Variants in GPC5 observed in about 807,000 individuals in gnomAD.
GPC5 encodes glypican 5.
GPC5 carries 47 observed loss-of-function variants against 53.9 expected under a neutral mutation model. The observed-to-expected ratio is 0.87, with a 90% CI of 0.69 to 1.11. GPC5 has a LOEUF of 1.11. GPC5 is among the 50% of genes most tolerant of loss of function. The pLI is 0.00. For missense variants in GPC5, 748 were observed against 713.1 expected (o/e 1.05, Z -0.56); for synonymous variants, 286 against 263.3 (o/e 1.09, Z -0.84).
At chr13:92,794,128 A>G (rs905386186) in intron 7 of GPC5, among the ~76,000 whole-genome samples, 3 of 152,176 alleles carry the variant, frequency 2.0e-5, no homozygotes, top group African/African-American at 7.2e-5. Flanking sequence ...CAAAGCGAAA[A>G]TCCTCAATAA....
chr13:91,702,993 A>G (rs535961657), intron 3 of GPC5, among the ~76,000 whole-genome samples: 1 of 152,224 alleles, frequency 6.6e-6, no homozygotes, highest in Non-Finnish European at 1.5e-5. Flanking sequence ...GATATTAAGC[A>G]TTTAAAAATA....
intron 7 of GPC5, among the ~76,000 whole-genome samples, chr13:92,189,654 G>T (rs2042209595): frequency 6.6e-6 from 1 of 151,960 alleles, no homozygotes. Context: ...GTCAGATATG[G>T]CAGGGTTTTG....
intron 7 of GPC5, among the ~76,000 whole-genome samples, chr13:92,203,655 TAA>T (rs954176364): frequency 9.8e-6 from 1 of 101,634 alleles, no homozygotes; most frequent in Non-Finnish European, 2.4e-5. Context: ...TATATATATA[TAA>T]AAAAATAAAT....
At chr13:92,463,503 A>G (rs1259522089) in intron 7 of GPC5, among the ~76,000 whole-genome samples, 1 of 152,182 alleles carries the variant, frequency 6.6e-6, no homozygotes, top group African/African-American at 2.4e-5. Context: ...ACTCATTAGC[A>G]TCTGCTATAA....
intron 7 of GPC5, among the ~76,000 whole-genome samples, chr13:92,480,461 C>A (rs1879306193): frequency 6.6e-6 from 1 of 151,940 alleles, no homozygotes; most frequent in South Asian, 2.1e-4. Context: ...AAAAAGAAAA[C>A]CCAAGTTTAA....
chr13:92,830,518 C>T (rs1057249926), intron 7 of GPC5, among the ~76,000 whole-genome samples: 4 of 152,094 alleles, frequency 2.6e-5, no homozygotes, highest in African/African-American at 9.7e-5. Context: ...TCCTTGCTTT[C>T]ATATGTCTTT....
intron 7 of GPC5, among the ~76,000 whole-genome samples, chr13:92,356,906 G>T (rs1200309942): frequency 1.3e-5 from 2 of 152,074 alleles, no homozygotes; most frequent in Non-Finnish European, 2.9e-5. Context: ...TGTTCCCCAT[G>T]GTCTGTTATG....
intron 7 of GPC5, among the ~76,000 whole-genome samples, chr13:92,838,440 G>A (rs1034814245): frequency 2.7e-5 from 4 of 149,186 alleles, no homozygotes; most frequent in African/African-American, 9.9e-5. Context: ...TCGAGATCAC[G>A]CCACTGCACT....
chr13:92,068,282 T>G (rs994203271), intron 6 of GPC5, among the ~76,000 whole-genome samples: 2 of 151,854 alleles, frequency 1.3e-5, no homozygotes, highest in Non-Finnish European at 2.9e-5. Context: ...AACAAAATAT[T>G]GATTCTAAAT....
At chr13:91,907,503 T>TTACATATA (rs2039566816) in intron 5 of GPC5, among the ~76,000 whole-genome samples, 6 of 129,554 alleles carry the variant, frequency 4.6e-5, no homozygotes, top group Admixed American at 1.6e-4. Flanking sequence ...CTCTCTCTCT[T>TTACATATA]TATATATATA....
At chr13:91,478,238 A>G (rs1157160414) in intron 2 of GPC5, among the ~76,000 whole-genome samples, 1 of 152,168 alleles carries the variant, frequency 6.6e-6, no homozygotes, top group Admixed American at 6.5e-5. Flanking sequence ...CAATCTACTA[A>G]AATGAAAAGA....
At chr13:92,337,985 T>C (rs1349931550) in intron 7 of GPC5, among the ~76,000 whole-genome samples, 12 of 152,104 alleles carry the variant, frequency 7.9e-5, no homozygotes, top group Admixed American at 7.9e-4. Flanking sequence ...TAAAAACTTC[T>C]GCTCCGTGAA....
intron 7 of GPC5, among the ~76,000 whole-genome samples, chr13:92,463,484 C>A (rs1017985312): frequency 6.6e-6 from 1 of 152,166 alleles, no homozygotes; most frequent in Non-Finnish European, 1.5e-5. Context: ...ATTAATCCTA[C>A]CCCTGATCAC....
At chr13:92,565,795 C>T (rs1330894877) in intron 7 of GPC5, among the ~76,000 whole-genome samples, 2 of 151,726 alleles carry the variant, frequency 1.3e-5, no homozygotes, top group Non-Finnish European at 2.9e-5. Flanking sequence ...GAAGTTTCAC[C>T]TTATTTTTTG....
intron 7 of GPC5, among the ~76,000 whole-genome samples, chr13:92,638,001 TGTA>T (rs1256425361): frequency 2.0e-5 from 3 of 152,104 alleles, no homozygotes; most frequent in Non-Finnish European, 4.4e-5. Context: ...GATTATCAAT[TGTA>T]GTAAAAAAAC....
At chr13:92,217,594 G>A (rs1042932646) in intron 7 of GPC5, among the ~76,000 whole-genome samples, 7 of 152,184 alleles carry the variant, frequency 4.6e-5, no homozygotes, top group African/African-American at 1.4e-4. Context: ...TATTCAGAGT[G>A]GAGCCCCGTG....
chr13:91,560,461 C>T (rs552613419), intron 2 of GPC5, among the ~76,000 whole-genome samples: 2 of 152,062 alleles, frequency 1.3e-5, no homozygotes, highest in African/African-American at 4.8e-5. Context: ...TATTAACCAC[C>T]AAAGACAAAG....
chr13:92,701,240 C>T (rs757950933), intron 7 of GPC5: 1 of 151,864 alleles, frequency 6.6e-6, no homozygotes, highest in Non-Finnish European at 1.5e-5. Context: ...ATAAGTCATA[C>T]AAAGAAATAA....
chr13:91,652,254 A>G (rs1020654024), intron 2 of GPC5, among the ~76,000 whole-genome samples: 9 of 151,776 alleles, frequency 5.9e-5, no homozygotes, highest in African/African-American at 1.9e-4. Flanking sequence ...CCTTTTGTAA[A>G]CTGAGGTGCA....
Sources: allele counts gnomAD v4.1 joint callset (sites outside exome capture counted in the v4.1 genomes callset), GRCh38; gene constraint gnomAD v4.1.1; transcripts MANE v1.5; gene names NCBI Gene and HGNC (gene_info 2026-07-23, HGNC 2026-07-21).